The following CEP170B variants were observed in gnomAD, a reference collection of about 807,000 sequenced individuals.
CEP170B encodes the protein centrosomal protein of 170 kDa protein B.
Under a neutral mutation model 120.6 loss-of-function variants are expected in CEP170B, and 55 were observed. The observed-to-expected ratio is 0.46, with a 90% CI of 0.37 to 0.57. The LOEUF (loss-of-function observed/expected upper bound fraction) is 0.57. CEP170B is among the 20% of genes least tolerant of loss of function. The pLI is 0.00. For missense variants in CEP170B, 2,212 were observed against 2,253.3 expected, an observed-to-expected ratio of 0.98 and a Z score of 0.37; for synonymous variants, 1,033 against 954.5, an observed-to-expected ratio of 1.08 and a Z score of -1.52.
Position 104,886,059 on chromosome 14 carries a change from C to A in CEP170B, c.1964C>A (p.Ser655Tyr). ...CCACAGGGCCTCCCGGTGCCGGGCTCCCCTGGGGGTCAGAAGTGGGTGTCC... is the reference window on the plus strand; with the variant it reads ...CCACAGGGCCTCCCGGTGCCGGGCTACCCTGGGGGTCAGAAGTGGGTGTCC... The part of the protein sequence containing the change: ...AEHQGLPVPG[S>Y]PGGQKWVSRW... The change falls in exon 11 of 19, where the codon TCC becomes TAC. Residue 655 changes from serine to tyrosine, a missense_variant. Physicochemically the swap from Ser to Tyr is moderately radical, Grantham distance 144. This residue lies in a region of CEP170B where 2,166 missense variants were observed against 2,166.7 expected (regional missense o/e 1.00). Coordinates refer to ENST00000414716, the MANE Select transcript of CEP170B (RefSeq NM_001112726.3). 1 of 1,544,250 alleles carries A rather than the reference C, an allele frequency of 6.5e-7. No homozygotes were observed. Among genetic ancestry groups the A allele is most frequent in the East Asian group, 2.4e-5 (1 of 40,850 alleles).
chr14:104,883,625 T>C, intron 8 of CEP170B, 117 bp downstream of exon 8: 1 of 1,205,476 alleles, frequency 8.3e-7, no homozygotes, highest in Non-Finnish European at 1.1e-6. Flanking sequence ...CTTCCCATTT[T>C]TCAGTTAATT....
In CEP170B at chr14:104,870,077, G is replaced by A. The variant is rs984537888; in HGVS notation, c.105+1522G>A. 6.7e-5 allele frequency among the ~76,000 whole-genome samples: 10 copies of A among 150,362 alleles called. No individual in the cohort carries two copies. Among genetic ancestry groups the A allele is most frequent in the African/African-American group, 2.4e-4 (10 of 41,024 alleles). ...CCTTTGGTAGCGGGAGAGAGTCGGT[G>A]GCTGGGGGCAGGAGTCGGCAAATGT... On this transcript the variant is annotated intron_variant, in intron 2 of 18. Transcript: ENST00000414716. The surrounding 1 kb of genome is among the most constrained non-coding windows in gnomAD (Gnocchi z 4.1).
Position 104,884,677 on chromosome 14 carries a change from C to A in CEP170B, c.1770+128C>A. 7 of 500,794 alleles carry A rather than the reference C, an allele frequency of 1.4e-5. No individual in the cohort carries two copies. In the South Asian group the frequency reaches 1.5e-4, roughly 11 times the overall value. 31.0% of individuals were successfully genotyped at this position (500,794 alleles called of 1,614,324 possible). A position where few individuals can be genotyped will look rare whatever the true frequency, so the allele number is the denominator to read the frequency against. Reference sequence around the variant, plus strand: ...CGATGCCGGGGGTGGCGAGTGAGAGCCCTCGTGGGGAACGGGGGGTGGAGG... The same window carrying A: ...CGATGCCGGGGGTGGCGAGTGAGAGACCTCGTGGGGAACGGGGGGTGGAGG... On this transcript the variant is annotated intron_variant, in intron 9 of 18. Coordinates refer to ENST00000414716, the MANE Select transcript of CEP170B (RefSeq NM_001112726.3).
At chr14:104,880,531 T>C (rs1896091723) in intron 6 of CEP170B, 106 bp downstream of exon 6, 1 of 1,472,328 alleles carries the variant, frequency 6.8e-7, no homozygotes, top group Non-Finnish European at 9.1e-7. Flanking sequence ...GCATATACCA[T>C]GTACACCCAT....
Position 104,883,850 on chromosome 14 carries a change from C to A in CEP170B, c.1071C>A (p.Gly357=). Residue 357 remains glycine, a synonymous_variant, in exon 9 of 19, where the codon GGC becomes GGA. Coordinates refer to ENST00000414716, the MANE Select transcript of CEP170B (RefSeq NM_001112726.3). ...RTLKGHKHED[G]TQSDSEDPLA... is the part of the protein sequence containing the mutation. ...CCCCAGGCCACAAGCACGAGGACGG[C>A]ACGCAGAGTGACTCAGAGGACCCCC... 6.4e-7 allele frequency: 1 copy of A among 1,564,042 alleles called. No homozygotes were observed. Among genetic ancestry groups the A allele is most frequent in the Admixed American group, 1.9e-5 (1 of 52,244 alleles).
rs370752311 is a variant in CEP170B, at chr14:104,883,904, G to A, written c.1125G>A (p.Val375=). 3.8e-6 allele frequency: 6 copies of A among 1,591,686 alleles called. No homozygotes were observed. The highest frequency in any genetic ancestry group is 1.3e-5 in the African/African-American group (1 of 74,560). ...CCAAGGCGGCCTCGGCCGCTGGGGT[G>A]CCCTTGGAGGCCAGCGGGGAGCAGG... The part of the protein sequence containing the change: ...PLAKAASAAG[V]PLEASGEQVR... Residue 375 remains valine, a synonymous_variant, in exon 9 of 19, where the codon GTG becomes GTA. Transcript: ENST00000414716.
intron 3 of CEP170B, 146 bp downstream of exon 3, chr14:104,876,491 C>T (rs984346563): frequency 2.9e-6 from 2 of 696,760 alleles, no homozygotes; most frequent in South Asian, 1.7e-5. Context: ...CCTCCCCCAG[C>T]CATAGCCCCT....
chr14:104,885,695 G>A (rs1239901217), intron 10 of CEP170B, among the ~76,000 whole-genome samples, 153 bp downstream of exon 10: 1 of 152,188 alleles, frequency 6.6e-6, no homozygotes, highest in Non-Finnish European at 1.5e-5. Flanking sequence ...CTTCCATGAG[G>A]AGGGATCGGG....
chr14:104,882,886 G>GT (rs750283789), intron 7 of CEP170B, 54 bp downstream of exon 7: 134 of 1,554,940 alleles, frequency 8.6e-5, no homozygotes, highest in African/African-American at 1.6e-4. Flanking sequence ...AGGGTGGTGT[G>GT]TGAAGGGGAT....
In CEP170B at chr14:104,868,325, T is replaced by G. The variant is rs1895293718; in HGVS notation, c.-27-99T>G. On this transcript the variant is annotated intron_variant, in intron 1 of 18. Coordinates refer to ENST00000414716, the MANE Select transcript of CEP170B (RefSeq NM_001112726.3). This position sits in a 1 kb window ranked among gnomAD's most constrained non-coding sequence, Gnocchi z 5.9. ...CCCAGCTTCTCCGGAAGCTGCCAGC[T>G]TCCCTTAGAGGGTCAGGATCTGGGC... 1.2e-6 allele frequency: 1 copy of G among 821,554 alleles called. No homozygotes were observed. Among genetic ancestry groups the G allele is most frequent in the Non-Finnish European group, 1.9e-6 (1 of 536,886 alleles). 50.9% of individuals were successfully genotyped at this position (821,554 alleles called of 1,614,324 possible).
intron 13 of CEP170B, 21 bp from the exon 14 acceptor site, chr14:104,892,955 C>G (rs759398705): frequency 1.9e-6 from 3 of 1,553,616 alleles, no homozygotes; most frequent in Admixed American, 1.9e-5. Context: ...CAGAACCTGC[C>G]GTCTTTCCTG....
In CEP170B at chr14:104,894,962, C is replaced by G; in HGVS notation, c.*4C>G. 1 of 1,556,920 alleles carries G rather than the reference C, an allele frequency of 6.4e-7. No individual in the cohort carries two copies. The highest frequency in any genetic ancestry group is 1.2e-5 in the South Asian group (1 of 84,856). ...TGCCGAGAGGTTCCTGATCTAGGCC[C>G]CAGACCTGGCCAGGCCAGCCTCCCT... On this transcript the variant is annotated 3_prime_UTR_variant, in exon 19 of 19. Transcript: ENST00000414716.
chr14:104,879,339 G>A (rs1896021535), intron 5 of CEP170B, among the ~76,000 whole-genome samples: 1 of 152,064 alleles, frequency 6.6e-6, no homozygotes, highest in South Asian at 2.1e-4. Context: ...GGGGTCTCAT[G>A]CCCAGGGGAT....
At chr14:104,872,319 C>CGTGGGTGTGT (rs1895568306) in intron 2 of CEP170B, among the ~76,000 whole-genome samples, 1 of 28,096 alleles carries the variant, frequency 3.6e-5, no homozygotes, top group African/African-American at 9.1e-5. Context: ...GCGTGTGTGC[C>CGTGGGTGTGT]GTGGGTGTGC....
Position 104,887,446 on chromosome 14 carries a change from G to A in CEP170B, c.3207G>A (p.Glu1069=). 1 of 1,611,518 alleles carries A rather than the reference G, an allele frequency of 6.2e-7. No homozygotes were observed. The highest frequency in any genetic ancestry group is 8.5e-7 in the Non-Finnish European group (1 of 1,179,338). ...TGGCCTCCAACCACGAAACCCCTGA[G>A]GCCACCGGGGCAGGACGGCTAGGTT... ...DVMASNHETP[E]ATGAGRLGSR... Residue 1069 remains glutamate (E), a synonymous_variant, in exon 12 of 19, where the codon GAG becomes GAA. Transcript: ENST00000414716.
rs1368829607 is a variant in CEP170B at position 104,892,889 on chromosome 14, G to C, written c.3879-87G>C. The C allele has an allele frequency of 2.1e-6, 3 of 1,436,832 alleles. No individual in the cohort carries two copies. The African/African-American group carries it at 4.2e-5, about 20-fold the overall frequency. 89.0% of individuals were successfully genotyped at this position (1,436,832 alleles called of 1,614,324 possible). A position where few individuals can be genotyped will look rare whatever the true frequency, so the allele number is the denominator to read the frequency against. On this transcript the variant is annotated intron_variant, in intron 13 of 18. Coordinates refer to ENST00000414716, the MANE Select transcript of CEP170B (RefSeq NM_001112726.3). ...CCACCTCTGGCCAGCAGCTGCCTGG[G>C]AGCTGGGAGGGGCTTTGAGGCCTGT...
rs546984270 is a variant in CEP170B at position 104,882,387 on chromosome 14, G to A, written c.473-341G>A. Among the ~76,000 whole-genome samples the A allele has an allele frequency of 8.2e-3, 1,244 of 152,196 alleles. 8 individuals carry two copies. The highest frequency in any genetic ancestry group is 0.014 in the Middle Eastern group (4 of 294). On this transcript the variant is annotated intron_variant, in intron 6 of 18. Coordinates refer to ENST00000414716, the MANE Select transcript of CEP170B (RefSeq NM_001112726.3). Reference sequence around the variant, plus strand: ...GAAGGCCGGGGCAGGGTTGCAGGACGGAGGTGGGGGGCCCCCACCATGCCC... The same window carrying A: ...GAAGGCCGGGGCAGGGTTGCAGGACAGAGGTGGGGGGCCCCCACCATGCCC...
Position 104,865,808 on chromosome 14 carries a change from G to A in CEP170B, c.-28+295G>A, listed in dbSNP as rs1385817898. ...GCTCGGCCATGGCCGCCCCCGGAGA[G>A]CGCTGATTCAGAAGGCGCCGCTCCC... On this transcript the variant is annotated intron_variant, in intron 1 of 18. Coordinates refer to ENST00000414716, the MANE Select transcript of CEP170B (RefSeq NM_001112726.3). This position sits in a 1 kb window ranked among gnomAD's most constrained non-coding sequence, Gnocchi z 6.7. Among the ~76,000 whole-genome samples, 3 of 152,178 alleles carry A rather than the reference G, an allele frequency of 2.0e-5. No individual in the cohort carries two copies. Among genetic ancestry groups the A allele is most frequent in the East Asian group, 3.9e-4 (2 of 5,154 alleles).
At position 104,868,730 on chromosome 14, in the gene CEP170B, C is replaced by T. The variant is rs533598431; in HGVS notation, c.105+175C>T. On this transcript the variant is annotated intron_variant, in intron 2 of 18. Coordinates refer to ENST00000414716, the MANE Select transcript of CEP170B (RefSeq NM_001112726.3). The surrounding 1 kb of genome is among the most constrained non-coding windows in gnomAD (Gnocchi z 5.9). ...GATGCACCGAGGGCTCTGGGGCTCC[C>T]GTGGGTGCGTGCAGGGGTGTGTGTG... 7.2e-4 allele frequency among the ~76,000 whole-genome samples: 109 copies of T among 152,246 alleles called. No individual in the cohort carries two copies. In the East Asian group the frequency reaches 0.012, roughly 16 times the overall value.
Sources: allele counts gnomAD v4.1 joint callset (sites outside exome capture counted in the v4.1 genomes callset), GRCh38; gene constraint gnomAD v4.1.1; regional missense constraint gnomAD v4.1.1; non-coding constraint Gnocchi (gnomAD v3.1); transcripts MANE v1.5; gene names NCBI Gene and HGNC (gene_info 2026-07-23, HGNC 2026-07-21).